Variants in TRIM55 observed in about 807,000 individuals in gnomAD.
TRIM55 encodes the protein tripartite motif containing 55, also known as tripartite motif-containing protein 55.
Under a neutral mutation model 60.9 loss-of-function variants are expected in TRIM55, and 50 were observed. The observed-to-expected ratio is 0.82, with a 90% CI of 0.65 to 1.04. The LOEUF (loss-of-function observed/expected upper bound fraction) is 1.04. TRIM55 is among the 50% of genes least tolerant of loss of function. The probability of loss-of-function intolerance (pLI) is 0.00; values close to 1 mark genes in which losing one functional copy is unlikely to be tolerated. For synonymous variants in TRIM55, 237 were observed against 238.1 expected (o/e 1.00, Z 0.04); for missense variants, 681 against 666.9 (o/e 1.02, Z -0.23).
chr8:66,141,403 G>A (rs577781148), intron 4 of TRIM55, among the ~76,000 whole-genome samples: 2 of 152,150 alleles, frequency 1.3e-5, no homozygotes, highest in African/African-American at 4.8e-5. Context: ...CTTCTGGGCT[G>A]TTCCATGAGC....
Position 66,127,240 on chromosome 8 carries a change from C to G in TRIM55, c.-29C>G. On this transcript the variant is annotated 5_prime_UTR_variant, in exon 1 of 10. Coordinates refer to ENST00000315962, the MANE Select transcript of TRIM55 (RefSeq NM_184085.2). ...CTGGAGCCACTCGCAGCACCCTTCC[C>G]TGGCAGCACACTTGGGGACAGCGAG... The G allele has an allele frequency of 6.2e-7, 1 of 1,602,912 alleles. No homozygotes were observed.
chr8:66,173,539 A>T (rs760939322), intron 9 of TRIM55, among the ~76,000 whole-genome samples: 1 of 152,238 alleles, frequency 6.6e-6, no homozygotes, highest in Non-Finnish European at 1.5e-5. Flanking sequence ...CACTGCTTTG[A>T]AATCAGTGGC....
chr8:66,143,246 G>A (rs1809921044), intron 4 of TRIM55, among the ~76,000 whole-genome samples: 1 of 152,150 alleles, frequency 6.6e-6, no homozygotes, highest in African/African-American at 2.4e-5. Context: ...AGTGGTCATT[G>A]TTGCTTTAGG....
chr8:66,149,354 C>A (rs1041569994), intron 4 of TRIM55, among the ~76,000 whole-genome samples: 1 of 152,120 alleles, frequency 6.6e-6, no homozygotes, highest in African/African-American at 2.4e-5. Flanking sequence ...AAAAGAAAAT[C>A]ATTCTTTATT....
At chr8:66,146,815 G>A (rs1208518216) in intron 4 of TRIM55, among the ~76,000 whole-genome samples, 2 of 152,206 alleles carry the variant, frequency 1.3e-5, no homozygotes, top group African/African-American at 2.4e-5. Flanking sequence ...GGCTGGAAAT[G>A]AGTGGAAATT....
Position 66,174,746 on chromosome 8 carries a change from T to TA in TRIM55, c.*154dup. Reference sequence around the variant, plus strand: ...CCCCAAACTGCAATTCCATATGACTTATCTAACATCTTGGGGGGAAAGAAT... The same window carrying TA: ...CCCCAAACTGCAATTCCATATGACTTAATCTAACATCTTGGGGGGAAAGAAT... On this transcript the variant is annotated 3_prime_UTR_variant, in exon 10 of 10. Transcript: ENST00000315962. The TA allele has an allele frequency of 3.0e-6, 2 of 672,920 alleles. No homozygotes were observed. The highest frequency in any genetic ancestry group is 4.4e-6 in the Non-Finnish European group (2 of 450,854). The allele number at this position is 672,920 out of a possible 1,614,324, so 41.7% of individuals were successfully genotyped here.
At chr8:66,139,300 G>C (rs1413088686) in intron 4 of TRIM55, among the ~76,000 whole-genome samples, 1 of 152,206 alleles carries the variant, frequency 6.6e-6, no homozygotes, top group Non-Finnish European at 1.5e-5. Flanking sequence ...CAGGCTTTCT[G>C]TCTGGGATGG....
At chr8:66,174,176 A>C (rs1056816692) in intron 9 of TRIM55, among the ~76,000 whole-genome samples, 2 of 151,718 alleles carry the variant, frequency 1.3e-5, no homozygotes, top group Admixed American at 1.3e-4. Context: ...GACTTAAAAA[A>C]AAAAAAAACT....
rs774548818 is a variant in TRIM55, at chr8:66,137,121, C to A, written c.534C>A (p.Ile178=). Residue 178 remains isoleucine (I), a synonymous_variant, in exon 4 of 10, where the codon ATC becomes ATA. Transcript: ENST00000315962. The part of the protein sequence containing the change: ...QKSELSDGIA[I]LVGSNDRVQG... The stretch of plus-strand genomic sequence containing the variant: ...CTGAGCTCAGTGATGGCATCGCCAT[C>A]CTCGTGGGCAGCAACGATCGAGTCC... The A allele has an allele frequency of 6.8e-6, 11 of 1,614,004 alleles. No homozygotes were observed. The highest frequency in any genetic ancestry group is 1.1e-5 in the South Asian group (1 of 91,080).
chr8:66,172,465 C>A (rs1356901625), intron 9 of TRIM55, among the ~76,000 whole-genome samples: 2 of 152,172 alleles, frequency 1.3e-5, no homozygotes, highest in Non-Finnish European at 2.9e-5. Context: ...TAGCATTGGT[C>A]CATATTGTTT....
chr8:66,173,556 A>T (rs890219016), intron 9 of TRIM55, among the ~76,000 whole-genome samples: 1 of 152,222 alleles, frequency 6.6e-6, no homozygotes, highest in African/African-American at 2.4e-5. Flanking sequence ...TGGCATTCTA[A>T]TCTGGTGGGA....
chr8:66,148,772 G>C (rs1220773754), intron 4 of TRIM55, among the ~76,000 whole-genome samples: 1 of 152,188 alleles, frequency 6.6e-6, no homozygotes, highest in East Asian at 1.9e-4. Context: ...ATTAAGGCCG[G>C]GCACGGTGGC....
rs147151340 is a variant in TRIM55, at chr8:66,149,758, G to A, written c.717G>A (p.Glu239=). The A allele has an allele frequency of 6.2e-6, 10 of 1,614,100 alleles. No individual in the cohort carries two copies. In the African/African-American group the frequency reaches 1.2e-4, roughly 19 times the overall value. ...AAGTCATTACCCGAACCCAAGAGGA[G>A]AAACTGGAACATGTCCGTGCTCTGA... is the stretch of plus-strand genomic sequence containing the variant. ...MTQVITRTQE[E]KLEHVRALIK... The change falls in exon 5 of 10, where the codon GAG becomes GAA. Residue 239 remains glutamate (E), a synonymous_variant. Transcript: ENST00000315962.
At chr8:66,138,765 G>C (rs1563370040) in intron 4 of TRIM55, among the ~76,000 whole-genome samples, 1 of 152,146 alleles carries the variant, frequency 6.6e-6, no homozygotes, top group Admixed American at 6.5e-5. Context: ...GTAAAAATGG[G>C]GCAATCATGG....
intron 9 of TRIM55, among the ~76,000 whole-genome samples, chr8:66,155,466 G>A (rs546264665): frequency 1.3e-5 from 2 of 152,332 alleles, no homozygotes; most frequent in South Asian, 4.1e-4. Context: ...GGTAGTAGAA[G>A]CTGTGTGCGG....
At chr8:66,133,845 T>G (rs1002398482) in intron 2 of TRIM55, among the ~76,000 whole-genome samples, 2 of 152,126 alleles carry the variant, frequency 1.3e-5, no homozygotes, top group African/African-American at 4.8e-5. Flanking sequence ...TATTCATGAT[T>G]TACAGTAGGA....
chr8:66,122,377 T>C (rs1390056156), upstream of TRIM55, among the ~76,000 whole-genome samples: 1 of 152,164 alleles, frequency 6.6e-6, no homozygotes, highest in Non-Finnish European at 1.5e-5. Flanking sequence ...CCGCCTTTGC[T>C]TCGAGCTGTC....
At chr8:66,132,841 T>TCTTATACA (rs1809244245) in intron 2 of TRIM55, among the ~76,000 whole-genome samples, 1 of 152,040 alleles carries the variant, frequency 6.6e-6, no homozygotes. Flanking sequence ...TATGGGAAAT[T>TCTTATACA]GTTCTCAGTG....
At chr8:66,139,473 C>T (rs1435914569) in intron 4 of TRIM55, among the ~76,000 whole-genome samples, 2 of 150,470 alleles carry the variant, frequency 1.3e-5, no homozygotes, top group African/African-American at 2.5e-5. Context: ...TCATAGAAGC[C>T]GATCAGGGGC....
Sources: gnomAD v4.1 joint callset for allele counts (sites outside exome capture counted in the v4.1 genomes callset) on GRCh38, gnomAD v4.1.1 for gene constraint, MANE v1.5 for transcripts, NCBI Gene and HGNC (gene_info 2026-07-23, HGNC 2026-07-21) for gene names.